ACSL3: variants seen among roughly 807,000 people sequenced by gnomAD.
ACSL3 encodes the protein acyl-CoA synthetase long chain family member 3.
Under a neutral mutation model 84.7 loss-of-function variants are expected in ACSL3, and 34 were observed. The ratio of observed to expected loss-of-function variants is 0.40; its 90% confidence interval spans 0.31 to 0.53. The LOEUF is 0.53. Among genes scored for constraint, ACSL3 ranks in the 20% least tolerant of loss-of-function variants. The probability of loss-of-function intolerance (pLI) is 0.48; values close to 1 mark genes in which losing one functional copy is unlikely to be tolerated. For missense variants in ACSL3, 680 were observed against 873.1 expected (o/e 0.78, Z 2.79); for synonymous variants, 315 against 299.4 (o/e 1.05, Z -0.54).
Position 222,926,088 on chromosome 2 carries a change from G to A in ACSL3, c.1293-929G>A, listed in dbSNP as rs115624726. 6.6e-3 allele frequency among the ~76,000 whole-genome samples: 1,002 copies of A among 152,170 alleles called. 11 individuals carry two copies. Among genetic ancestry groups the A allele is most frequent in the African/African-American group, 0.023 (950 of 41,508 alleles). Reference sequence around the variant, plus strand: ...TCCACATCTTTAGATTCAACCAACCGTGGATCAAAAGTATTCTGGGGAAAA... The same window carrying A: ...TCCACATCTTTAGATTCAACCAACCATGGATCAAAAGTATTCTGGGGAAAA... On this transcript the variant is annotated intron_variant, in intron 11 of 16. Coordinates refer to ENST00000357430, the MANE Select transcript of ACSL3 (RefSeq NM_004457.5).
Position 222,933,292 on chromosome 2 carries a change from G to A in ACSL3, c.1847+12G>A. On this transcript the variant is annotated intron_variant, in intron 15 of 16. Transcript: ENST00000357430. ...GCATATGCAAACAGGTAAGAACGTG[G>A]AATTCATACTACTTTTACTTAAAAT... 2 of 1,552,344 alleles carry A rather than the reference G, an allele frequency of 1.3e-6. No homozygotes were observed. Among genetic ancestry groups the A allele is most frequent in the Non-Finnish European group, 1.8e-6 (2 of 1,128,874 alleles).
At chr2:222,925,089 TGCTTTGGG>T (rs1696844769) in intron 11 of ACSL3, among the ~76,000 whole-genome samples, 3 of 150,482 alleles carry the variant, frequency 2.0e-5, no homozygotes, top group African/African-American at 7.3e-5. Flanking sequence ...GTAATCCCAG[TGCTTTGGG>T]AGGCCAAGGC....
chr2:222,893,881 G>T (rs1695903816), intron 2 of ACSL3, among the ~76,000 whole-genome samples: 1 of 151,914 alleles, frequency 6.6e-6, no homozygotes, highest in Non-Finnish European at 1.5e-5. Context: ...GCTCAGGCTG[G>T]AGTGCTTTGG....
chr2:222,869,205 C>T (rs1396753026), intron 1 of ACSL3, among the ~76,000 whole-genome samples: 1 of 152,134 alleles, frequency 6.6e-6, no homozygotes, highest in African/African-American at 2.4e-5. Context: ...CCATTGCCAT[C>T]CATGTATGTA....
intron 3 of ACSL3, among the ~76,000 whole-genome samples, chr2:222,903,558 T>G (rs1331633452): frequency 6.6e-6 from 1 of 151,068 alleles, no homozygotes; most frequent in Non-Finnish European, 1.5e-5. Flanking sequence ...AGTAACACCA[T>G]AGTTATATGA....
chr2:222,921,564 AT>A, intron 8 of ACSL3, 134 bp downstream of exon 8: 1 of 841,302 alleles, frequency 1.2e-6, no homozygotes, highest in Non-Finnish European at 1.7e-6. Context: ...TCCTTAAAAA[AT>A]AAAAAAGGAC....
intron 16 of ACSL3, 71 bp downstream of exon 16, chr2:222,934,758 T>C: frequency 1.3e-6 from 2 of 1,520,848 alleles, no homozygotes; most frequent in Non-Finnish European, 1.8e-6. Flanking sequence ...TCAACCTGTT[T>C]TAAGGTTTAG....
At chr2:222,911,594 T>C (rs1696441647) in intron 4 of ACSL3, among the ~76,000 whole-genome samples, 1 of 152,184 alleles carries the variant, frequency 6.6e-6, no homozygotes, top group African/African-American at 2.4e-5. Flanking sequence ...ATCCCACACA[T>C]ATTTTATTCA....
At chr2:222,870,923 G>A (rs186391819) in intron 1 of ACSL3, among the ~76,000 whole-genome samples, 7 of 152,100 alleles carry the variant, frequency 4.6e-5, no homozygotes, top group South Asian at 2.1e-4. Context: ...TGTGAAATAC[G>A]GGTTATAAGG....
chr2:222,867,590 T>G (rs1695184390), intron 1 of ACSL3, among the ~76,000 whole-genome samples: 1 of 152,224 alleles, frequency 6.6e-6, no homozygotes. Flanking sequence ...GAATTGAGTT[T>G]CAACTCAATT....
intron 7 of ACSL3, 194 bp from the exon 8 acceptor site, chr2:222,921,086 T>C (rs1416252311): frequency 1.4e-6 from 1 of 698,142 alleles, no homozygotes; most frequent in Non-Finnish European, 2.6e-6. Flanking sequence ...TGTTTGTATA[T>C]CTCAATAGAA....
chr2:222,919,356 T>C, intron 7 of ACSL3, 154 bp downstream of exon 7: 4 of 589,610 alleles, frequency 6.8e-6, no homozygotes. Flanking sequence ...TACTTTCATC[T>C]TGTCTTTAAA....
chr2:222,928,961 G>A (rs753180148), intron 13 of ACSL3, 25 bp downstream of exon 13: 194 of 1,587,646 alleles, frequency 1.2e-4, no homozygotes, highest in Non-Finnish European at 1.5e-4. Flanking sequence ...TAACCACAGA[G>A]CATTAATTTT....
chr2:222,933,370 T>A (rs1321753676), intron 15 of ACSL3, 90 bp downstream of exon 15: 1 of 870,292 alleles, frequency 1.1e-6, no homozygotes, highest in African/African-American at 1.7e-5. Flanking sequence ...TGTAAAAATG[T>A]TCCGAGAACT....
chr2:222,876,460 T>C (rs1305196837), intron 1 of ACSL3, among the ~76,000 whole-genome samples: 3 of 152,114 alleles, frequency 2.0e-5, no homozygotes, highest in Non-Finnish European at 4.4e-5. Flanking sequence ...TAGCTGGGAC[T>C]ACAGGCGTGT....
At chr2:222,913,502 C>T (rs1696496896) in intron 4 of ACSL3, among the ~76,000 whole-genome samples, 1 of 152,144 alleles carries the variant, frequency 6.6e-6, no homozygotes, top group Non-Finnish European at 1.5e-5. Context: ...CTGCTGCATA[C>T]CAAATTGTTG....
At chr2:222,862,557 G>A (rs1695040868) in intron 1 of ACSL3, among the ~76,000 whole-genome samples, 2 of 152,174 alleles carry the variant, frequency 1.3e-5, no homozygotes, top group African/African-American at 2.4e-5. Flanking sequence ...GGGTATTATA[G>A]GGGACAGGTG....
intron 15 of ACSL3, 150 bp from the exon 16 acceptor site, chr2:222,934,380 G>A (rs961001293): frequency 3.5e-5 from 18 of 518,632 alleles, no homozygotes; most frequent in African/African-American, 9.9e-5. Flanking sequence ...TAAAACTGGC[G>A]GTTGCATGAA....
intron 3 of ACSL3, among the ~76,000 whole-genome samples, chr2:222,902,362 C>T (rs1696173981): frequency 6.6e-6 from 1 of 152,070 alleles, no homozygotes; most frequent in Admixed American, 6.6e-5. Context: ...CTTAGCGTCC[C>T]CTGAGGCTAA....
Sources: gnomAD v4.1 joint callset for allele counts (sites outside exome capture counted in the v4.1 genomes callset) on GRCh38, gnomAD v4.1.1 for gene constraint, MANE v1.5 for transcripts, NCBI Gene and HGNC (gene_info 2026-07-23, HGNC 2026-07-21) for gene names.